ADGRL2: variants seen among roughly 807,000 people sequenced by gnomAD.
ADGRL2 encodes the protein calcium-independent alpha-latrotoxin receptor 2.
A neutral mutation model predicts 157.4 loss-of-function variants in ADGRL2; 44 were observed. That is an observed-to-expected ratio of 0.28 (90% CI 0.22 to 0.36). The LOEUF (loss-of-function observed/expected upper bound fraction) is 0.36, where lower values mean the gene tolerates loss of function less well. Ranked by LOEUF, ADGRL2 falls within the 10% of genes least tolerant of loss-of-function variation. The pLI is 1.00. For synonymous variants in ADGRL2, 585 were observed against 624.7 expected (o/e 0.94, Z 0.95); for missense variants, 1,510 against 1,768.9 (o/e 0.85, Z 2.63).
At chr1:81,330,189 T>A (rs544390359) in intron 1 of ADGRL2, among the ~76,000 whole-genome samples, 1 of 152,230 alleles carries the variant, frequency 6.6e-6, no homozygotes, top group South Asian at 2.1e-4. Flanking sequence ...ATGATGAGGA[T>A]GACCAAAAGT....
chr1:81,348,041 C>T (rs1662604717), intron 1 of ADGRL2, among the ~76,000 whole-genome samples: 1 of 152,176 alleles, frequency 6.6e-6, no homozygotes, highest in African/African-American at 2.4e-5. Context: ...CTACTTCCTC[C>T]TTTGTTTCAG....
intron 1 of ADGRL2, among the ~76,000 whole-genome samples, chr1:81,344,025 T>C (rs1227401425): frequency 6.6e-6 from 1 of 152,146 alleles, no homozygotes; most frequent in East Asian, 1.9e-4. Context: ...ATCTGGTTTA[T>C]GGATTTCGTA....
intron 11 of ADGRL2, among the ~76,000 whole-genome samples, chr1:81,963,316 A>G (rs545903916): frequency 5.3e-4 from 81 of 152,150 alleles, no homozygotes; most frequent in Non-Finnish European, 8.7e-4. Flanking sequence ...GTCCCTCGTT[A>G]TTACTATGTA....
chr1:81,869,956 A>G (rs2093649338), intron 2 of ADGRL2, among the ~76,000 whole-genome samples: 1 of 152,082 alleles, frequency 6.6e-6, no homozygotes. Flanking sequence ...CATCTTAAAC[A>G]GTAGTGCTAT....
At chr1:81,971,020 CA>C (rs1658569530) in intron 16 of ADGRL2, among the ~76,000 whole-genome samples, 1 of 152,088 alleles carries the variant, frequency 6.6e-6, no homozygotes, top group Non-Finnish European at 1.5e-5. Context: ...TAAAATAAGT[CA>C]CTGTCTTTCG....
intron 3 of ADGRL2, among the ~76,000 whole-genome samples, chr1:81,675,437 A>T (rs2082965303): frequency 6.6e-6 from 1 of 152,122 alleles, no homozygotes; most frequent in African/African-American, 2.4e-5. Context: ...TGTGGCAAAG[A>T]TTTTTTTCTT....
At chr1:81,387,060 A>T (rs991688666) in intron 1 of ADGRL2, among the ~76,000 whole-genome samples, 10 of 152,144 alleles carry the variant, frequency 6.6e-5, no homozygotes, top group African/African-American at 2.4e-4. Flanking sequence ...CTTTTATGAG[A>T]GTTGGTCCTC....
chr1:81,378,127 C>T (rs917433003), intron 1 of ADGRL2, among the ~76,000 whole-genome samples: 13 of 151,450 alleles, frequency 8.6e-5, no homozygotes, highest in Admixed American at 5.9e-4. Flanking sequence ...TGCAGCGAGC[C>T]GAGATCGTGC....
Position 81,442,556 on chromosome 1 carries a change from G to A in ADGRL2, c.-301-2480G>A, listed in dbSNP as rs181043498. Among the ~76,000 whole-genome samples the A allele has an allele frequency of 6.4e-4, 98 of 152,222 alleles. 1 individual carries two copies. The highest frequency in any genetic ancestry group is 2.2e-3 in the African/African-American group (90 of 41,548). On this transcript the variant is annotated intron_variant, in intron 1 of 24. Transcript: ENST00000370721. ...TAAATGTACTTAATTAACCAAGAGC[G>A]GTGTGAAGACTAAATAAGTCTATGT...
intron 2 of ADGRL2, among the ~76,000 whole-genome samples, chr1:81,573,886 G>A (rs1169595120): frequency 6.6e-6 from 1 of 152,126 alleles, no homozygotes; most frequent in Non-Finnish European, 1.5e-5. Flanking sequence ...AAGACACATA[G>A]TCTCAAAGAC....
At chr1:81,347,345 G>A (rs374640682) in intron 1 of ADGRL2, among the ~76,000 whole-genome samples, 3 of 152,006 alleles carry the variant, frequency 2.0e-5, no homozygotes, top group Admixed American at 1.3e-4. Context: ...AGGTTGCAGT[G>A]AGCCTAGATC....
chr1:81,911,576 G>A (rs1490759892), intron 3 of ADGRL2, among the ~76,000 whole-genome samples: 5 of 152,098 alleles, frequency 3.3e-5, no homozygotes, highest in Admixed American at 3.3e-4. Context: ...TATCAAGGTA[G>A]TTTTGCTGCT....
chr1:81,856,538 G>A (rs1416977830), intron 2 of ADGRL2, among the ~76,000 whole-genome samples: 1 of 152,104 alleles, frequency 6.6e-6, no homozygotes, highest in East Asian at 1.9e-4. Flanking sequence ...CCCTTTAGCA[G>A]TGCCTATCAG....
chr1:81,980,792 C>A, intron 18 of ADGRL2: 1 of 706,382 alleles, frequency 1.4e-6, no homozygotes, highest in South Asian at 1.6e-5. Flanking sequence ...TCATCTACAC[C>A]AGTAATTACC....
intron 2 of ADGRL2, among the ~76,000 whole-genome samples, chr1:81,460,252 T>C (rs2077898581): frequency 1.3e-5 from 2 of 151,684 alleles, no homozygotes; most frequent in African/African-American, 2.4e-5. Context: ...TTTATATTAA[T>C]GATTTATATT....
chr1:81,950,878 C>CT, intron 7 of ADGRL2, 140 bp from the exon 8 acceptor site: 1 of 625,260 alleles, frequency 1.6e-6, no homozygotes, highest in East Asian at 2.7e-5. Context: ...TTATACCCTA[C>CT]TTTTTGTCAC....
chr1:81,760,334 CAAG>C (rs1191548380), intron 1 of ADGRL2, among the ~76,000 whole-genome samples: 1 of 152,000 alleles, frequency 6.6e-6, no homozygotes, highest in Non-Finnish European at 1.5e-5. Flanking sequence ...ATGAAATGTG[CAAG>C]AAGTGAGATA....
At chr1:81,909,101 C>G (rs148017234) in intron 3 of ADGRL2, among the ~76,000 whole-genome samples, 1,697 of 152,188 alleles carry the variant, frequency 0.011, 19 homozygotes, top group African/African-American at 0.027. Context: ...GTCTCAAACT[C>G]CCAACCTCAG....
chr1:81,405,694 C>T (rs1045074050), intron 1 of ADGRL2, among the ~76,000 whole-genome samples: 1 of 150,754 alleles, frequency 6.6e-6, no homozygotes, highest in Non-Finnish European at 1.5e-5. Flanking sequence ...AAATATCTCA[C>T]ATTTTCAAAA....
Sources: allele counts gnomAD v4.1 joint callset (sites outside exome capture counted in the v4.1 genomes callset), GRCh38; gene constraint gnomAD v4.1.1; transcripts MANE v1.5; gene names NCBI Gene and HGNC (gene_info 2026-07-23, HGNC 2026-07-21).